KIF13A: variants seen among roughly 807,000 people sequenced by gnomAD.
KIF13A encodes the protein kinesin family member 13A.
In KIF13A, 79 loss-of-function variants were observed where a neutral mutation model predicts 212.2. The ratio of observed to expected loss-of-function variants is 0.37; its 90% CI spans 0.31 to 0.45. The LOEUF (loss-of-function observed/expected upper bound fraction) is 0.45, where lower values mean the gene tolerates loss of function less well. Ranked by LOEUF, KIF13A falls within the 20% of genes least tolerant of loss-of-function variation. The pLI, the probability that KIF13A is intolerant of heterozygous loss-of-function variation, is 1.00. For missense variants in KIF13A, 1,901 were observed against 2,209.0 expected, an observed-to-expected ratio of 0.86 and a Z score of 2.79; for synonymous variants, 789 against 808.6, an observed-to-expected ratio of 0.98 and a Z score of 0.41.
chr6:17,783,197 G>A lies in KIF13A; in HGVS notation c.3544+449C>T, dbSNP rs889351556. Among the ~76,000 whole-genome samples, 1 of 152,204 alleles carries A rather than the reference G, an allele frequency of 6.6e-6. No individual in the cohort carries two copies. Among genetic ancestry groups the A allele is most frequent in the African/African-American group, 2.4e-5 (1 of 41,444 alleles). Reference sequence around the variant, plus strand: ...AGGATTGTTCTGCTAAAGCACATTGGAAACCATTGTTCTAGACTTGCCCAG... The same window carrying A: ...AGGATTGTTCTGCTAAAGCACATTGAAAACCATTGTTCTAGACTTGCCCAG... On this transcript the variant is annotated intron_variant, in intron 29 of 38. Coordinates refer to ENST00000259711, the MANE Select transcript of KIF13A (RefSeq NM_022113.6). The surrounding 1 kb of genome is among the most constrained non-coding windows in gnomAD (Gnocchi z 4.3).
At chr6:17,927,172 C>T (rs1356920321) in intron 2 of KIF13A, among the ~76,000 whole-genome samples, 1 of 150,048 alleles carries the variant, frequency 6.7e-6, no homozygotes, top group Non-Finnish European at 1.5e-5. Flanking sequence ...GGAACTTAAA[C>T]AGATAAAAAG....
intron 2 of KIF13A, among the ~76,000 whole-genome samples, chr6:17,932,742 G>C (rs1776109317): frequency 6.6e-6 from 1 of 151,914 alleles, no homozygotes; most frequent in Non-Finnish European, 1.5e-5. Context: ...GCAGGCCAGA[G>C]GCCTTGACTC....
At position 17,826,900 on chromosome 6, in the gene KIF13A, TTAAAA is replaced by T. The variant is rs1331991309; in HGVS notation, c.1533-781_1533-777del. 5.3e-5 allele frequency among the ~76,000 whole-genome samples: 8 copies of T among 152,112 alleles called. No homozygotes were observed. The highest frequency in any genetic ancestry group is 1.7e-4 in the African/African-American group (7 of 41,532). ...AATGTTATAAAATCTGGAATCTACT[TTAAAA>T]TAATTTTTTTTTCTGGGCATGGTGG... On this transcript the variant is annotated intron_variant, in intron 14 of 38. Coordinates refer to ENST00000259711, the MANE Select transcript of KIF13A (RefSeq NM_022113.6). This position sits in a 1 kb window ranked among gnomAD's most constrained non-coding sequence, Gnocchi z 4.7.
intron 2 of KIF13A, among the ~76,000 whole-genome samples, chr6:17,981,932 T>C (rs993172107): frequency 2.0e-5 from 3 of 152,150 alleles, no homozygotes; most frequent in Non-Finnish European, 4.4e-5. Context: ...CAAGGAACCA[T>C]CCTAGAAGCC....
At chr6:17,827,365 G>C (rs1450570059) in intron 14 of KIF13A, among the ~76,000 whole-genome samples, 1 of 152,074 alleles carries the variant, frequency 6.6e-6, no homozygotes, top group African/African-American at 2.4e-5. Context: ...CCAAAGTGCT[G>C]GGATTACAGG....
rs760215224 is a variant in KIF13A, at chr6:17,856,385, A to G, written c.221-263T>C. Among the ~76,000 whole-genome samples the G allele has an allele frequency of 3.3e-5, 5 of 152,188 alleles. No individual in the cohort carries two copies. The highest frequency in any genetic ancestry group is 7.3e-5 in the Non-Finnish European group (5 of 68,036). On this transcript the variant is annotated intron_variant, in intron 4 of 38. Coordinates refer to ENST00000259711, the MANE Select transcript of KIF13A (RefSeq NM_022113.6). The surrounding 1 kb of genome is among the most constrained non-coding windows in gnomAD (Gnocchi z 4.5). ...GTTTTCTTTCCATTGTGAGTGGGCC[A>G]TATGGAAGCAGCATTCAAATTTGGT...
In KIF13A at chr6:17,965,456, AATT is replaced by A. The variant is rs775101799; in HGVS notation, c.146+21595_146+21597del. ...CCATTTTAATAACCAGTATTTCAAT[AATT>A]ATTGAGAGAAACTCAGAGTTCACAT... On this transcript the variant is annotated intron_variant, in intron 2 of 38. Coordinates refer to ENST00000259711, the MANE Select transcript of KIF13A (RefSeq NM_022113.6). Among the ~76,000 whole-genome samples the A allele has an allele frequency of 2.6e-5, 4 of 152,362 alleles. No individual in the cohort carries two copies. In the East Asian group the frequency reaches 5.8e-4, roughly 22 times the overall value.
At chr6:17,977,894 TGTTTCTGTCAC>T (rs1386316892) in intron 2 of KIF13A, among the ~76,000 whole-genome samples, 8 of 152,206 alleles carry the variant, frequency 5.3e-5, no homozygotes, top group Non-Finnish European at 1.2e-4. Flanking sequence ...GATTCTTTTT[TGTTTCTGTCAC>T]GTTTCTTACA....
chr6:17,902,134 AC>A (rs1773105201), intron 2 of KIF13A, among the ~76,000 whole-genome samples: 1 of 152,186 alleles, frequency 6.6e-6, no homozygotes, highest in South Asian at 2.1e-4. Flanking sequence ...TATCTAGTGA[AC>A]CAAAAAAGAA....
In KIF13A at chr6:17,779,740, G is replaced by GTTTTT. The variant is rs201272106; in HGVS notation, c.3847-57_3847-56insAAAAA. 88 of 478,692 alleles carry GTTTTT rather than the reference G, an allele frequency of 1.8e-4. 1 individual carries two copies. Among genetic ancestry groups the GTTTTT allele is most frequent in the East Asian group, 2.9e-4 (4 of 13,936 alleles). 29.7% of individuals were successfully genotyped at this position (478,692 alleles called of 1,614,324 possible). On this transcript the variant is annotated intron_variant, in intron 31 of 38. Coordinates refer to ENST00000259711, the MANE Select transcript of KIF13A (RefSeq NM_022113.6). ...CTATGTGACAAATGTAAGTTATTTT[G>GTTTTT]TATTTTTTTTTTTTTTTTTGAGATG...
chr6:17,907,974 T>G (rs1381180934), intron 2 of KIF13A, among the ~76,000 whole-genome samples: 1 of 152,168 alleles, frequency 6.6e-6, no homozygotes, highest in East Asian at 1.9e-4. Flanking sequence ...GAGTCAGCAG[T>G]GAGACACGCA....
At chr6:17,788,803 C>A (rs888335369) in intron 26 of KIF13A, among the ~76,000 whole-genome samples, 2 of 152,172 alleles carry the variant, frequency 1.3e-5, no homozygotes, top group African/African-American at 4.8e-5. Context: ...CGGCTCACTG[C>A]AACCTCTGCC....
intron 3 of KIF13A, among the ~76,000 whole-genome samples, chr6:17,891,994 T>C (rs1772105142): frequency 6.6e-6 from 1 of 152,158 alleles, no homozygotes; most frequent in Admixed American, 6.5e-5. Context: ...CTTCCTCCAC[T>C]TCCTACTCTC....
chr6:17,762,048 T>C (rs113546965), downstream of KIF13A, among the ~76,000 whole-genome samples: 1,166 of 152,172 alleles, frequency 7.7e-3, 17 homozygotes, highest in Non-Finnish European at 9.6e-3. Context: ...CCTGGGAATT[T>C]GAATTTTTTA....
At position 17,934,540 on chromosome 6, in the gene KIF13A, A is replaced by C. The variant is rs941852860; in HGVS notation, c.147-36360T>G. 1.3e-5 allele frequency among the ~76,000 whole-genome samples: 2 copies of C among 152,050 alleles called. No homozygotes were observed. Among genetic ancestry groups the C allele is most frequent in the Non-Finnish European group, 2.9e-5 (2 of 67,990 alleles). ...CGTGGGTCATGCCTGTAATCCCAAA[A>C]CTCTGGGAGACAGAGGCAGAGAGGA... On this transcript the variant is annotated intron_variant, in intron 2 of 38. Transcript: ENST00000259711. The surrounding 1 kb of genome is among the most constrained non-coding windows in gnomAD (Gnocchi z 5.4).
At chr6:17,774,074 A>G (rs1759725890) in intron 35 of KIF13A, among the ~76,000 whole-genome samples, 1 of 152,234 alleles carries the variant, frequency 6.6e-6, no homozygotes, top group South Asian at 2.1e-4. Context: ...AAAGAGGCAT[A>G]AAGTATTGGT....
intron 3 of KIF13A, among the ~76,000 whole-genome samples, chr6:17,890,441 G>T (rs79504908): frequency 5.9e-5 from 9 of 152,110 alleles, no homozygotes; most frequent in African/African-American, 2.2e-4. Context: ...GCAGAAACTG[G>T]GCTTCTGCAG....
chr6:17,794,166 T>A lies in KIF13A; in HGVS notation c.3222+83A>T. 1 of 1,068,938 alleles carries A rather than the reference T, an allele frequency of 9.4e-7. No individual in the cohort carries two copies. The highest frequency in any genetic ancestry group is 2.2e-5 in the Admixed American group (1 of 45,956). The allele number at this position is 1,068,938 out of a possible 1,614,324, so 66.2% of individuals were successfully genotyped here. A position where few individuals can be genotyped will look rare whatever the true frequency, so the allele number is the denominator to read the frequency against. ...AAGATCTACGGTTAAGGCAAAGAGT[T>A]CTGTTATATTGGCAAAGAGGTCCCC... On this transcript the variant is annotated intron_variant, in intron 25 of 38. Transcript: ENST00000259711. The surrounding 1 kb of genome is among the most constrained non-coding windows in gnomAD (Gnocchi z 4.1).
chr6:17,963,562 A>G lies in KIF13A; in HGVS notation c.146+23492T>C, dbSNP rs796678720. On this transcript the variant is annotated intron_variant, in intron 2 of 38. Transcript: ENST00000259711. The surrounding 1 kb of genome is among the most constrained non-coding windows in gnomAD (Gnocchi z 4.1). ...GATTTGTAGGATAGATTTGTTCTATATCTTTCTTTTTTTGAGACAGAGTCT... is the reference window on the plus strand; with the variant it reads ...GATTTGTAGGATAGATTTGTTCTATGTCTTTCTTTTTTTGAGACAGAGTCT... 2.6e-5 allele frequency among the ~76,000 whole-genome samples: 4 copies of G among 152,344 alleles called. No individual in the cohort carries two copies. Among genetic ancestry groups the G allele is most frequent in the African/African-American group, 9.6e-5 (4 of 41,584 alleles).
Sources: gnomAD v4.1 joint callset for allele counts (sites outside exome capture counted in the v4.1 genomes callset) on GRCh38, gnomAD v4.1.1 for gene constraint, Gnocchi (gnomAD v3.1) non-coding constraint, MANE v1.5 for transcripts, NCBI Gene and HGNC (gene_info 2026-07-23, HGNC 2026-07-21) for gene names.